ARID1A: variants seen among roughly 807,000 people sequenced by gnomAD.
The protein encoded by ARID1A is AT-rich interactive domain-containing protein 1A.
ARID1A carries 20 observed loss-of-function variants against 212.6 expected under a neutral mutation model. The ratio of observed to expected loss-of-function variants is 0.09; its 90% CI spans 0.07 to 0.14. ARID1A has a LOEUF of 0.14. ARID1A is among the 10% of genes least tolerant of loss of function. The pLI, the probability that ARID1A is intolerant of heterozygous loss-of-function variation, is 1.00. For synonymous variants in ARID1A, 1,376 were observed against 1,222.1 expected (o/e 1.13, Z -2.63); for missense variants, 2,587 against 3,059.0 (o/e 0.85, Z 3.64).
At chr1:26,761,157 GAGCCCT>G in intron 5 of ARID1A, 61 bp downstream of exon 5, 1 of 1,590,116 alleles carries the variant, frequency 6.3e-7, no homozygotes, top group Non-Finnish European at 8.6e-7. Flanking sequence ...TAATATTAAG[GAGCCCT>G]AGTCTTCCAC....
intron 4 of ARID1A, among the ~76,000 whole-genome samples, chr1:26,748,548 A>G (rs1025848356): frequency 2.0e-5 from 3 of 150,296 alleles, no homozygotes; most frequent in Non-Finnish European, 4.4e-5. Context: ...GAACAGCCCT[A>G]TTCCATAAAT....
chr1:26,742,902 G>A (rs1222579335), intron 4 of ARID1A, among the ~76,000 whole-genome samples: 5 of 152,106 alleles, frequency 3.3e-5, no homozygotes, highest in East Asian at 1.9e-4. Context: ...CCCGAGAGGC[G>A]GAGGTTGCAG....
At chr1:26,746,984 G>A (rs1413759422) in intron 4 of ARID1A, among the ~76,000 whole-genome samples, 2 of 152,178 alleles carry the variant, frequency 1.3e-5, no homozygotes, top group East Asian at 1.9e-4. Flanking sequence ...AGAGGTTGCA[G>A]TAAGCCAAGA....
rs2081095151 is a variant in ARID1A at position 26,772,760 on chromosome 1, T to C, written c.3540-52T>C. The C allele has an allele frequency of 1.7e-5, 27 of 1,607,188 alleles. No homozygotes were observed. The South Asian group carries it at 2.9e-4, about 17-fold the overall frequency. On this transcript the variant is annotated intron_variant, in intron 13 of 19. Transcript: ENST00000324856. ...AGTGACTCCTGCGTGTCCTTTGTTA[T>C]ATTGGAGGAATTGGTTTATTTGTGG...
At chr1:26,743,284 A>G (rs2080805347) in intron 4 of ARID1A, among the ~76,000 whole-genome samples, 1 of 152,048 alleles carries the variant, frequency 6.6e-6, no homozygotes, top group African/African-American at 2.4e-5. Context: ...GCAAACTTCT[A>G]CTTTGGCTTC....
chr1:26,729,520 C>G, intron 1 of ARID1A, 131 bp from the exon 2 acceptor site: 5 of 1,051,460 alleles, frequency 4.8e-6, no homozygotes, highest in Non-Finnish European at 7.0e-6. Flanking sequence ...CTAGGTTGGT[C>G]TCATTGCTCT....
chr1:26,715,525 C>T (rs999264730), intron 1 of ARID1A, among the ~76,000 whole-genome samples: 1 of 152,192 alleles, frequency 6.6e-6, no homozygotes, highest in African/African-American at 2.4e-5. Context: ...ATCTATATCA[C>T]CTCACATGGG....
chr1:26,696,107 G>A lies in ARID1A; in HGVS notation c.-297G>A, dbSNP rs1299513917. On this transcript the variant is annotated 5_prime_UTR_variant, in exon 1 of 20. Coordinates refer to ENST00000324856, the MANE Select transcript of ARID1A (RefSeq NM_006015.6). ...CCGCCCCCCTCATTCCCAGGCAAGG[G>A]CTTGGGGGGAATGAGCCGGGAGAGC... 6.4e-6 allele frequency: 3 copies of A among 470,008 alleles called. No individual in the cohort carries two copies. Among genetic ancestry groups the A allele is most frequent in the African/African-American group, 2.1e-5 (1 of 48,658 alleles). 29.1% of individuals were successfully genotyped at this position (470,008 alleles called of 1,614,324 possible). A position where few individuals can be genotyped will look rare whatever the true frequency, so the allele number is the denominator to read the frequency against.
chr1:26,748,785 C>A (rs2080859781), intron 4 of ARID1A, among the ~76,000 whole-genome samples: 1 of 151,992 alleles, frequency 6.6e-6, no homozygotes, highest in African/African-American at 2.4e-5. Flanking sequence ...GGGACTGTGA[C>A]AAACTGAAAA....
chr1:26,714,636 C>T (rs1015849804), intron 1 of ARID1A, among the ~76,000 whole-genome samples: 5 of 151,978 alleles, frequency 3.3e-5, no homozygotes, highest in African/African-American at 7.3e-5. Context: ...AGGCTGGTCT[C>T]GAACTCCTGA....
chr1:26,766,845 C>G (rs962049157), intron 10 of ARID1A, among the ~76,000 whole-genome samples: 1 of 152,194 alleles, frequency 6.6e-6, no homozygotes, highest in African/African-American at 2.4e-5. Context: ...ATCAAACTCT[C>G]TGTACTGTTT....
At chr1:26,698,586 T>C (rs1168316869) in intron 1 of ARID1A, among the ~76,000 whole-genome samples, 1 of 152,330 alleles carries the variant, frequency 6.6e-6, no homozygotes, top group East Asian at 1.9e-4. Context: ...ATTTTGCTTG[T>C]TATGTTTTAT....
chr1:26,773,556 A>G (rs1428191062), intron 15 of ARID1A, 24 bp from the exon 16 acceptor site: 12 of 1,614,178 alleles, frequency 7.4e-6, no homozygotes, highest in Non-Finnish European at 1.0e-5. Flanking sequence ...AGTGGGCTCA[A>G]TCTGCCTCTC....
At position 26,696,843 on chromosome 1, in the gene ARID1A, C is replaced by CCTA. The variant is rs1298070735; in HGVS notation, c.442_444dup (p.Tyr148dup). The stretch of plus-strand genomic sequence containing the variant: ...GCCGCGGCCGCCTTGCCGCCCCCAG[C>CCTA]CTACGGCTTCGGGCAACCCTACGGC... On this transcript the variant is annotated inframe_insertion, in exon 1 of 20. Coordinates refer to ENST00000324856, the MANE Select transcript of ARID1A (RefSeq NM_006015.6). 1.5e-6 allele frequency: 2 copies of CCTA among 1,341,220 alleles called. No homozygotes were observed. Among genetic ancestry groups the CCTA allele is most frequent in the Admixed American group, 4.1e-5 (1 of 24,112 alleles). The allele number at this position is 1,341,220 out of a possible 1,614,324, so 83.1% of individuals were successfully genotyped here.
chr1:26,749,847 C>A (rs962945230), intron 4 of ARID1A, among the ~76,000 whole-genome samples: 1 of 152,168 alleles, frequency 6.6e-6, no homozygotes, highest in Admixed American at 6.5e-5. Context: ...TCTCTTGATA[C>A]CAGCACCCAA....
At chr1:26,761,159 G>A in intron 5 of ARID1A, 63 bp downstream of exon 5, 1 of 1,584,562 alleles carries the variant, frequency 6.3e-7, no homozygotes, top group Non-Finnish European at 8.6e-7. Flanking sequence ...ATATTAAGGA[G>A]CCCTAGTCTT....
intron 4 of ARID1A, among the ~76,000 whole-genome samples, chr1:26,756,557 G>A (rs71636776): frequency 0.061 from 8,522 of 138,594 alleles, 312 homozygotes; most frequent in Non-Finnish European, 0.079. Flanking sequence ...CCGAGACCCT[G>A]TCTCTTTAAA....
At chr1:26,752,563 G>T (rs2080894258) in intron 4 of ARID1A, among the ~76,000 whole-genome samples, 1 of 152,198 alleles carries the variant, frequency 6.6e-6, no homozygotes, top group African/African-American at 2.4e-5. Flanking sequence ...TTTGCCTTAA[G>T]TAATTAATTT....
At chr1:26,706,586 C>T (rs1359555944) in intron 1 of ARID1A, among the ~76,000 whole-genome samples, 2 of 152,190 alleles carry the variant, frequency 1.3e-5, no homozygotes, top group East Asian at 1.9e-4. Context: ...CAAATTCAGC[C>T]ACGTGGTAGA....
Sources: gnomAD v4.1 joint callset for allele counts (sites outside exome capture counted in the v4.1 genomes callset) on GRCh38, gnomAD v4.1.1 for gene constraint, MANE v1.5 for transcripts, NCBI Gene and HGNC (gene_info 2026-07-23, HGNC 2026-07-21) for gene names.